INPP5D: variants seen among roughly 807,000 people sequenced by gnomAD.
The protein encoded by INPP5D is phosphatidylinositol 3,4,5-trisphosphate 5-phosphatase 1.
In INPP5D, 33 loss-of-function variants were observed where a neutral mutation model predicts 122.9. The ratio of observed to expected loss-of-function variants is 0.27; its 90% CI spans 0.20 to 0.36. INPP5D has a LOEUF of 0.36. INPP5D is among the 10% of genes least tolerant of loss of function. The pLI is 1.00. For synonymous variants in INPP5D, 584 were observed against 576.2 expected, an observed-to-expected ratio of 1.01 and a Z score of -0.19; for missense variants, 1,053 against 1,412.7, an observed-to-expected ratio of 0.75 and a Z score of 4.08.
Position 233,129,259 on chromosome 2 carries a change from T to C in INPP5D, c.525-1249T>C, listed in dbSNP as rs182791720. On this transcript the variant is annotated intron_variant, in intron 4 of 26. Coordinates refer to ENST00000445964, the MANE Select transcript of INPP5D (RefSeq NM_001017915.3). Reference sequence around the variant, plus strand: ...GGTTAAGCCTCAGTTCTCTGATTTGTAAAACAGGAATAATTAGTAATAATA... The same window carrying C: ...GGTTAAGCCTCAGTTCTCTGATTTGCAAAACAGGAATAATTAGTAATAATA... Among the ~76,000 whole-genome samples the C allele has an allele frequency of 6.0e-3, 920 of 152,328 alleles. 2 individuals carry two copies. The highest frequency in any genetic ancestry group is 9.5e-3 in the Non-Finnish European group (646 of 68,022).
chr2:233,203,957 C>T (rs1695407773), intron 25 of INPP5D, among the ~76,000 whole-genome samples, 169 bp from the exon 26 acceptor site: 1 of 152,122 alleles, frequency 6.6e-6, no homozygotes, highest in African/African-American at 2.4e-5. Context: ...TAAAACAAAA[C>T]AAGACAAAAC....
At chr2:233,201,018 G>T (rs1695317052) in intron 25 of INPP5D, among the ~76,000 whole-genome samples, 1 of 149,870 alleles carries the variant, frequency 6.7e-6, no homozygotes, top group African/African-American at 2.5e-5. Flanking sequence ...ATAGATGAGA[G>T]GAAGTCAGGA....
Position 233,173,163 on chromosome 2 carries a change from C to T in INPP5D, c.1989+2011C>T, listed in dbSNP as rs528773920. On this transcript the variant is annotated intron_variant, in intron 17 of 26. Transcript: ENST00000445964. ...GATGGAAGTTGCAGTGAGCCGAGAT[C>T]GCGCCATTGCATGCCAGCCTGGGTG... Among the ~76,000 whole-genome samples the T allele has an allele frequency of 1.0e-4, 15 of 149,900 alleles. No individual in the cohort carries two copies. In the East Asian group the frequency reaches 2.5e-3, roughly 25 times the overall value.
chr2:233,092,417 GA>G (rs1189515461), intron 2 of INPP5D, among the ~76,000 whole-genome samples: 1 of 152,012 alleles, frequency 6.6e-6, no homozygotes, highest in Non-Finnish European at 1.5e-5. Flanking sequence ...GGGCAATGGG[GA>G]AAATGGAGAT....
chr2:233,149,080 T>G (rs949038367), intron 9 of INPP5D, among the ~76,000 whole-genome samples: 6 of 151,346 alleles, frequency 4.0e-5, no homozygotes, highest in Non-Finnish European at 7.4e-5. Context: ...TTATCTGGCT[T>G]CTTCAGGCAT....
chr2:233,065,872 C>G (rs555231859), intron 1 of INPP5D, among the ~76,000 whole-genome samples: 1 of 151,746 alleles, frequency 6.6e-6, no homozygotes, highest in African/African-American at 2.4e-5. Flanking sequence ...GTCTCAAACT[C>G]CTGACCTCGT....
intron 22 of INPP5D, among the ~76,000 whole-genome samples, chr2:233,192,892 T>A (rs1695088639): frequency 6.6e-6 from 1 of 152,216 alleles, no homozygotes; most frequent in South Asian, 2.1e-4. Flanking sequence ...CTTCCCCAGA[T>A]CCTTGCTGGC....
chr2:233,194,448 C>T (rs1463118216), intron 23 of INPP5D, among the ~76,000 whole-genome samples: 1 of 151,510 alleles, frequency 6.6e-6, no homozygotes, highest in African/African-American at 2.4e-5. Flanking sequence ...TAAACCCTGC[C>T]CTCATGGTGC....
At chr2:233,151,829 G>C (rs952207081) in intron 9 of INPP5D, among the ~76,000 whole-genome samples, 1 of 152,216 alleles carries the variant, frequency 6.6e-6, no homozygotes. Flanking sequence ...ATGAATGCAA[G>C]AATGAAGGAA....
rs750834309 is a variant in INPP5D at position 233,170,476 on chromosome 2, C to T, written c.1792-20C>T. On this transcript the variant is annotated intron_variant, in intron 15 of 26. Coordinates refer to ENST00000445964, the MANE Select transcript of INPP5D (RefSeq NM_001017915.3). This position sits in a 1 kb window ranked among gnomAD's most constrained non-coding sequence, Gnocchi z 4.5. Reference sequence around the variant, plus strand: ...TCAGCAGGGCTTCTCACCAGAGGCCCGGGCATGTTCTTGTTCCAGGAGGCA... The same window carrying T: ...TCAGCAGGGCTTCTCACCAGAGGCCTGGGCATGTTCTTGTTCCAGGAGGCA... 14 of 1,613,402 alleles carry T rather than the reference C, an allele frequency of 8.7e-6. No individual in the cohort carries two copies. The highest frequency in any genetic ancestry group is 4.0e-5 in the African/African-American group (3 of 74,898).
intron 2 of INPP5D, among the ~76,000 whole-genome samples, chr2:233,121,406 G>A (rs1692972478): frequency 6.6e-6 from 1 of 151,498 alleles, no homozygotes; most frequent in African/African-American, 2.4e-5. Context: ...CCAAAGTGCT[G>A]GGATTACCGG....
At chr2:233,173,884 G>C (rs551748784) in intron 17 of INPP5D, among the ~76,000 whole-genome samples, 1 of 152,224 alleles carries the variant, frequency 6.6e-6, no homozygotes, top group South Asian at 2.1e-4. Flanking sequence ...AGCGAACCGA[G>C]ATGGCGCCAC....
chr2:233,074,065 C>G (rs542231500), intron 1 of INPP5D, among the ~76,000 whole-genome samples: 5 of 152,316 alleles, frequency 3.3e-5, no homozygotes, highest in African/African-American at 1.2e-4. Flanking sequence ...ATGCCCTTTT[C>G]TGGATGGTGA....
chr2:233,061,065 G>C (rs1476878649), intron 1 of INPP5D, among the ~76,000 whole-genome samples: 3 of 152,204 alleles, frequency 2.0e-5, no homozygotes, highest in African/African-American at 7.2e-5. Context: ...GGAAGCTGTT[G>C]TTTGGCGAGC....
chr2:233,191,775 C>A (rs560670929), intron 22 of INPP5D, among the ~76,000 whole-genome samples: 2 of 152,130 alleles, frequency 1.3e-5, no homozygotes, highest in Non-Finnish European at 2.9e-5. Context: ...GAGGAGAATG[C>A]GCCTGGGTCA....
chr2:233,065,934 C>T (rs1477131005), intron 1 of INPP5D, among the ~76,000 whole-genome samples: 3 of 146,716 alleles, frequency 2.0e-5, no homozygotes, highest in East Asian at 2.1e-4. Flanking sequence ...TGTGAGCCAC[C>T]GCACCTGGCC....
chr2:233,202,892 G>A (rs1247815342), intron 25 of INPP5D, among the ~76,000 whole-genome samples: 1 of 152,168 alleles, frequency 6.6e-6, no homozygotes, highest in Non-Finnish European at 1.5e-5. Flanking sequence ...AGTTGAGTGG[G>A]CCTTTCTTCT....
intron 4 of INPP5D, among the ~76,000 whole-genome samples, chr2:233,126,884 C>T (rs915523968): frequency 4.0e-5 from 6 of 151,710 alleles, no homozygotes; most frequent in Non-Finnish European, 7.4e-5. Context: ...TGCGCCACTG[C>T]ACTCCAGCCT....
intron 9 of INPP5D, among the ~76,000 whole-genome samples, chr2:233,157,517 A>G (rs923512697): frequency 6.6e-6 from 1 of 152,234 alleles, no homozygotes; most frequent in African/African-American, 2.4e-5. Context: ...CTGGTCTGTC[A>G]ATAGCATTTT....
Sources: gnomAD v4.1 joint callset for allele counts (sites outside exome capture counted in the v4.1 genomes callset) on GRCh38, gnomAD v4.1.1 for gene constraint, Gnocchi (gnomAD v3.1) non-coding constraint, MANE v1.5 for transcripts, NCBI Gene and HGNC (gene_info 2026-07-23, HGNC 2026-07-21) for gene names.